TRAPPC8: variants seen among roughly 807,000 people sequenced by gnomAD.
The protein encoded by TRAPPC8 is trafficking protein particle complex subunit 8.
A neutral mutation model predicts 174.3 loss-of-function variants in TRAPPC8; 54 were observed. The ratio of observed to expected loss-of-function variants is 0.31; its 90% CI spans 0.25 to 0.39. The LOEUF (loss-of-function observed/expected upper bound fraction) is 0.39. TRAPPC8 is among the 10% of genes least tolerant of loss of function. The probability of loss-of-function intolerance (pLI) is 1.00; values close to 1 mark genes in which losing one functional copy is unlikely to be tolerated. For missense variants in TRAPPC8, 1,531 were observed against 1,699.1 expected (o/e 0.90, Z 1.74); for synonymous variants, 630 against 579.9 (o/e 1.09, Z -1.24).
In TRAPPC8 at chr18:31,917,291, A is replaced by G. The variant is rs541427391; in HGVS notation, c.442+287T>C. 9.2e-5 allele frequency among the ~76,000 whole-genome samples: 14 copies of G among 152,214 alleles called. No individual in the cohort carries two copies. The East Asian group carries it at 2.7e-3, about 29-fold the overall frequency. ...AGATTTTCTTTCTAAAATGGCTAAA[A>G]AAGTTATTAAGCATGAAATATTCAA... On this transcript the variant is annotated intron_variant, in intron 3 of 28. Coordinates refer to ENST00000283351, the MANE Select transcript of TRAPPC8 (RefSeq NM_014939.5).
chr18:31,890,892 GGTTA>G (rs1468614206), intron 11 of TRAPPC8, 26 bp from the exon 12 acceptor site: 2 of 1,572,630 alleles, frequency 1.3e-6, no homozygotes, highest in Non-Finnish European at 1.7e-6. Context: ...AAGAGAAAAA[GGTTA>G]GTTTCACCAA....
chr18:31,938,610 T>A (rs1192660620), intron 1 of TRAPPC8, among the ~76,000 whole-genome samples: 1 of 152,156 alleles, frequency 6.6e-6, no homozygotes, highest in African/African-American at 2.4e-5. Flanking sequence ...TGACACTCCT[T>A]GAAAACTCAG....
At chr18:31,900,837 T>G in intron 10 of TRAPPC8, 88 bp downstream of exon 10, 4 of 992,568 alleles carry the variant, frequency 4.0e-6, no homozygotes, top group Admixed American at 2.8e-5. Context: ...ATTAACTTGA[T>G]TTGGGAGTTT....
intron 2 of TRAPPC8, among the ~76,000 whole-genome samples, chr18:31,921,955 AACTATATT>A (rs1475509913): frequency 2.6e-5 from 4 of 152,222 alleles, no homozygotes; most frequent in African/African-American, 9.6e-5. Context: ...ATCTTTTGAA[AACTATATT>A]ACATGAGTGC....
At chr18:31,915,482 GCA>G (rs2037097967) in intron 4 of TRAPPC8, among the ~76,000 whole-genome samples, 2 of 116,898 alleles carry the variant, frequency 1.7e-5, no homozygotes, top group African/African-American at 6.4e-5. Context: ...GGGGGGGGGC[GCA>G]GGCGCAGTGG....
intron 12 of TRAPPC8, 27 bp downstream of exon 12, chr18:31,890,708 T>C (rs761820170): frequency 2.3e-5 from 36 of 1,584,754 alleles, no homozygotes; most frequent in Non-Finnish European, 3.1e-5. Context: ...AAATAGCAAC[T>C]TTTCATTGTA....
At chr18:31,872,379 T>G (rs2145206580) in intron 14 of TRAPPC8, among the ~76,000 whole-genome samples, 1 of 152,288 alleles carries the variant, frequency 6.6e-6, no homozygotes, top group Non-Finnish European at 1.5e-5. Flanking sequence ...TATGTACATT[T>G]GAAAATTTCC....
intron 19 of TRAPPC8, among the ~76,000 whole-genome samples, chr18:31,863,580 T>G (rs990806083): frequency 2.6e-5 from 4 of 152,208 alleles, no homozygotes; most frequent in African/African-American, 9.6e-5. Flanking sequence ...ACGTGTAGTA[T>G]GATTGCATCT....
intron 1 of TRAPPC8, among the ~76,000 whole-genome samples, chr18:31,937,355 C>T (rs1274960435): frequency 6.6e-6 from 1 of 152,066 alleles, no homozygotes; most frequent in African/African-American, 2.4e-5. Flanking sequence ...CATGGCAAAA[C>T]CCCATTTCTA....
intron 4 of TRAPPC8, 31 bp from the exon 5 acceptor site, chr18:31,913,553 T>C: frequency 3.3e-6 from 5 of 1,532,210 alleles, no homozygotes; most frequent in Non-Finnish European, 3.5e-6. Context: ...AAATCTGAAG[T>C]AAAAGAGGAG....
At chr18:31,935,465 T>C (rs1046410538) in intron 1 of TRAPPC8, among the ~76,000 whole-genome samples, 1 of 144,326 alleles carries the variant, frequency 6.9e-6, no homozygotes, top group Admixed American at 7.1e-5. Context: ...GCAGAACTGC[T>C]TGAACCTGGG....
intron 1 of TRAPPC8, among the ~76,000 whole-genome samples, chr18:31,935,897 G>A (rs1015298971): frequency 2.0e-5 from 3 of 150,950 alleles, no homozygotes; most frequent in South Asian, 2.1e-4. Context: ...CACCACACCC[G>A]GCTAATTTTT....
chr18:31,908,443 TGACA>T (rs1208985662), intron 7 of TRAPPC8, 25 bp from the exon 8 acceptor site: 9 of 1,423,566 alleles, frequency 6.3e-6, no homozygotes, highest in Non-Finnish European at 8.6e-6. Context: ...TTAAATATGT[TGACA>T]AACAAAGAAT....
intron 2 of TRAPPC8, among the ~76,000 whole-genome samples, chr18:31,917,998 T>A (rs960708212): frequency 5.3e-5 from 8 of 151,934 alleles, no homozygotes; most frequent in African/African-American, 1.5e-4. Context: ...TGGTGGCACG[T>A]GACTGTAATC....
chr18:31,942,905 A>G lies in TRAPPC8; in HGVS notation c.-141T>C. On this transcript the variant is annotated 5_prime_UTR_variant, in exon 1 of 29. Transcript: ENST00000283351. Reference sequence around the variant, plus strand: ...GAACGCACTGGAGCCTAGAAACAAGAAGGAACAGACGCCGCCGCTTCGGTT... The same window carrying G: ...GAACGCACTGGAGCCTAGAAACAAGGAGGAACAGACGCCGCCGCTTCGGTT... 1 of 1,242,006 alleles carries G rather than the reference A, an allele frequency of 8.1e-7. No individual in the cohort carries two copies. Among genetic ancestry groups the G allele is most frequent in the South Asian group, 3.7e-5 (1 of 27,356 alleles). The allele number at this position is 1,242,006 out of a possible 1,614,324, so 76.9% of individuals were successfully genotyped here.
At chr18:31,859,886 C>T (rs1387280397) in intron 19 of TRAPPC8, among the ~76,000 whole-genome samples, 3 of 151,824 alleles carry the variant, frequency 2.0e-5, no homozygotes, top group South Asian at 4.2e-4. Flanking sequence ...CATGGTGGTG[C>T]GCACCTGTAA....
At chr18:31,902,049 G>A (rs945764152) in intron 9 of TRAPPC8, among the ~76,000 whole-genome samples, 5 of 152,140 alleles carry the variant, frequency 3.3e-5, no homozygotes, top group East Asian at 1.9e-4. Context: ...GTGTGGTGAC[G>A]CATGCCTGTA....
At chr18:31,866,214 T>G (rs2034578927) in intron 18 of TRAPPC8, among the ~76,000 whole-genome samples, 1 of 152,138 alleles carries the variant, frequency 6.6e-6, no homozygotes, top group Non-Finnish European at 1.5e-5. Flanking sequence ...TCCTAGCATC[T>G]TTTCAACTTG....
At chr18:31,863,931 G>A (rs1232182646) in intron 19 of TRAPPC8, among the ~76,000 whole-genome samples, 4 of 151,036 alleles carry the variant, frequency 2.6e-5, no homozygotes, top group Non-Finnish European at 1.5e-5. Context: ...AAATTCCCTG[G>A]AGCTTCTGCC....
Sources: gnomAD v4.1 joint callset for allele counts (sites outside exome capture counted in the v4.1 genomes callset) on GRCh38, gnomAD v4.1.1 for gene constraint, MANE v1.5 for transcripts, NCBI Gene and HGNC (gene_info 2026-07-23, HGNC 2026-07-21) for gene names.